The following LYPLAL1 variants were observed in gnomAD, a reference collection of about 807,000 sequenced individuals.
The protein encoded by LYPLAL1 is lysophospholipase-like protein 1.
A neutral mutation model predicts 19.7 loss-of-function variants in LYPLAL1; 23 were observed. The observed-to-expected ratio is 1.17, with a 90% CI of 0.84 to 1.65. The LOEUF is 1.65. Ranked by LOEUF, LYPLAL1 falls within the 40% of genes most tolerant of loss-of-function variation. The pLI is 0.00. For missense variants in LYPLAL1, 355 were observed against 279.4 expected (o/e 1.27, Z -1.93); for synonymous variants, 119 against 96.3 (o/e 1.24, Z -1.38).
the LYPLAL1 span, among the ~76,000 whole-genome samples, chr1:219,385,099 G>T: frequency 6.6e-6 from 1 of 152,106 alleles, no homozygotes; most frequent in Admixed American, 6.5e-5. Flanking sequence ...CTGTAAATAT[G>T]CCCTCCAGAG....
At chr1:219,411,992 C>T in the LYPLAL1 span, 2 of 152,714 alleles carry the variant, frequency 1.3e-5, no homozygotes, top group Non-Finnish European at 2.9e-5. Context: ...ATGGAATGTG[C>T]TTAGGAGAAG....
At chr1:219,257,821 G>T in the LYPLAL1 span, among the ~76,000 whole-genome samples, 1 of 152,028 alleles carries the variant, frequency 6.6e-6, no homozygotes, top group African/African-American at 2.4e-5. Flanking sequence ...TTTCACCAGG[G>T]TGGGGTTTTT....
intron 3 of LYPLAL1, among the ~76,000 whole-genome samples, chr1:219,195,129 T>C (rs1657502347): frequency 6.6e-6 from 1 of 152,096 alleles, no homozygotes; most frequent in South Asian, 2.1e-4. Context: ...AATAATATAA[T>C]ATCTGTTTAC....
At chr1:219,439,193 T>C in the LYPLAL1 span, among the ~76,000 whole-genome samples, 2 of 152,188 alleles carry the variant, frequency 1.3e-5, no homozygotes, top group African/African-American at 4.8e-5. Flanking sequence ...CACTGCTTCA[T>C]AGGTACTCTT....
chr1:219,224,531 G>A, the LYPLAL1 span, among the ~76,000 whole-genome samples: 1 of 152,028 alleles, frequency 6.6e-6, no homozygotes, highest in Non-Finnish European at 1.5e-5. Context: ...AAAGAACAGC[G>A]GTGACGTACT....
At chr1:219,366,727 G>C in the LYPLAL1 span, among the ~76,000 whole-genome samples, 1 of 152,100 alleles carries the variant, frequency 6.6e-6, no homozygotes, top group Non-Finnish European at 1.5e-5. Flanking sequence ...TTACCACAGA[G>C]AGAGCACAGG....
chr1:219,321,101 T>G, the LYPLAL1 span, among the ~76,000 whole-genome samples: 26 of 152,192 alleles, frequency 1.7e-4, no homozygotes, highest in African/African-American at 5.5e-4. Flanking sequence ...CTCCAGCACC[T>G]GTTGTTTCCT....
At chr1:219,315,455 C>T in the LYPLAL1 span, among the ~76,000 whole-genome samples, 1 of 152,074 alleles carries the variant, frequency 6.6e-6, no homozygotes, top group Non-Finnish European at 1.5e-5. Flanking sequence ...AGGCTTCTTG[C>T]ACATCAAATA....
At chr1:219,307,953 C>A in the LYPLAL1 span, among the ~76,000 whole-genome samples, 4 of 152,144 alleles carry the variant, frequency 2.6e-5, no homozygotes, top group African/African-American at 9.7e-5. Flanking sequence ...ATGTCTTTAT[C>A]AGCAGCATGA....
intron 3 of LYPLAL1, among the ~76,000 whole-genome samples, chr1:219,195,544 T>C (rs1657532777): frequency 6.6e-6 from 1 of 152,112 alleles, no homozygotes; most frequent in Non-Finnish European, 1.5e-5. Context: ...TGCTGTCCAT[T>C]TGTCTCTTGC....
At chr1:219,191,040 T>C (rs1657138713) in intron 2 of LYPLAL1, among the ~76,000 whole-genome samples, 1 of 151,688 alleles carries the variant, frequency 6.6e-6, no homozygotes, top group African/African-American at 2.4e-5. Context: ...ATGTAAATTA[T>C]ACCTCAATAA....
chr1:219,332,521 G>C, the LYPLAL1 span, among the ~76,000 whole-genome samples: 153 of 152,190 alleles, frequency 1.0e-3, no homozygotes, highest in African/African-American at 3.5e-3. Context: ...TTTTGGGGTA[G>C]TTTTATATGC....
At chr1:219,280,107 T>C in the LYPLAL1 span, among the ~76,000 whole-genome samples, 1 of 152,206 alleles carries the variant, frequency 6.6e-6, no homozygotes, top group Non-Finnish European at 1.5e-5. Context: ...GAAAATTTTT[T>C]AGAAGTTTAT....
At chr1:219,276,966 T>TACCCCAATGACTTCCATATTTTTC in the LYPLAL1 span, among the ~76,000 whole-genome samples, 1 of 152,164 alleles carries the variant, frequency 6.6e-6, no homozygotes, top group African/African-American at 2.4e-5. Context: ...CTTGTGAAAT[T>TACCCCAATGACTTCCATATTTTTC]ACCCCAATGA....
intron 2 of LYPLAL1, among the ~76,000 whole-genome samples, chr1:219,190,160 C>T (rs1305519193): frequency 1.3e-5 from 2 of 151,380 alleles, no homozygotes; most frequent in African/African-American, 2.4e-5. Flanking sequence ...TGACTGTTCC[C>T]CCGCCCACTG....
chr1:219,228,388 A>G, the LYPLAL1 span, among the ~76,000 whole-genome samples: 4 of 149,934 alleles, frequency 2.7e-5, no homozygotes, highest in Non-Finnish European at 4.5e-5. Context: ...AAGAAAGAAA[A>G]AAAAAGTTGG....
chr1:219,398,910 G>A, the LYPLAL1 span, among the ~76,000 whole-genome samples: 1 of 152,282 alleles, frequency 6.6e-6, no homozygotes, highest in Non-Finnish European at 1.5e-5. Context: ...CTTGATGTTA[G>A]GAATCCACTG....
intron 3 of LYPLAL1, among the ~76,000 whole-genome samples, chr1:219,197,433 A>G (rs1432182690): frequency 6.6e-6 from 1 of 152,182 alleles, no homozygotes; most frequent in African/African-American, 2.4e-5. Flanking sequence ...ATATGCAGAA[A>G]ATTGAAACTG....
At chr1:219,250,588 G>A in the LYPLAL1 span, among the ~76,000 whole-genome samples, 4 of 143,988 alleles carry the variant, frequency 2.8e-5, no homozygotes, top group Admixed American at 1.5e-4. Flanking sequence ...AGTTTGTTAA[G>A]GATATTTTTC....
Sources: allele counts gnomAD v4.1 joint callset (sites outside exome capture counted in the v4.1 genomes callset), GRCh38; gene constraint gnomAD v4.1.1; transcripts MANE v1.5; gene names NCBI Gene and HGNC (gene_info 2026-07-23, HGNC 2026-07-21).